The following PAPPA2 variants were observed in gnomAD, a reference collection of about 807,000 sequenced individuals.
PAPPA2 encodes pappalysin 2, also known as pappalysin-2.
In PAPPA2, 86 loss-of-function variants were observed where a neutral mutation model predicts 176.4. That is an observed-to-expected ratio of 0.49 (90% CI 0.41 to 0.58). PAPPA2 has a LOEUF of 0.58. PAPPA2 is among the 20% of genes least tolerant of loss of function. PAPPA2 has a pLI of 0.00. For missense variants in PAPPA2, 2,073 were observed against 2,256.9 expected (o/e 0.92, Z 1.65); for synonymous variants, 809 against 852.2 (o/e 0.95, Z 0.88).
At chr1:176,633,969 A>G (rs78551479) in intron 3 of PAPPA2, among the ~76,000 whole-genome samples, 19,067 of 152,228 alleles carry the variant, frequency 0.13, 1,461 homozygotes, top group South Asian at 0.23. Flanking sequence ...ATGTGGAGAA[A>G]TAGGAACACT....
Position 176,584,314 on chromosome 1 carries a change from T to A in PAPPA2, c.920-10210T>A, listed in dbSNP as rs553314200. Among the ~76,000 whole-genome samples, 173 of 152,276 alleles carry A rather than the reference T, an allele frequency of 1.1e-3. 1 individual carries two copies. The highest frequency in any genetic ancestry group is 3.4e-3 in the Middle Eastern group (1 of 294). ...ATAATATTTGCTTTATATATCTGGGTGCTCTTGTATTGGGTGCATATATAC... is the reference window on the plus strand; with the variant it reads ...ATAATATTTGCTTTATATATCTGGGAGCTCTTGTATTGGGTGCATATATAC... On this transcript the variant is annotated intron_variant, in intron 2 of 22. Coordinates refer to ENST00000367662, the MANE Select transcript of PAPPA2 (RefSeq NM_020318.3).
At chr1:176,686,796 T>C (rs1659859316) in intron 4 of PAPPA2, among the ~76,000 whole-genome samples, 1 of 152,070 alleles carries the variant, frequency 6.6e-6, no homozygotes, top group African/African-American at 2.4e-5. Flanking sequence ...TGGGAAGAAA[T>C]CTTAGTGATA....
At chr1:176,649,256 C>A (rs1657575302) in intron 3 of PAPPA2, among the ~76,000 whole-genome samples, 1 of 151,170 alleles carries the variant, frequency 6.6e-6, no homozygotes, top group African/African-American at 2.4e-5. Flanking sequence ...TCTTTGTATT[C>A]TGAGGTCTCA....
At chr1:176,479,473 A>G (rs1290894777) in intron 1 of PAPPA2, among the ~76,000 whole-genome samples, 1 of 152,188 alleles carries the variant, frequency 6.6e-6, no homozygotes, top group Non-Finnish European at 1.5e-5. Context: ...GCAGGCAAGC[A>G]TCCCTAGGAA....
chr1:176,557,996 C>T (rs1651428966), intron 2 of PAPPA2, among the ~76,000 whole-genome samples: 1 of 152,206 alleles, frequency 6.6e-6, no homozygotes, highest in Non-Finnish European at 1.5e-5. Context: ...GTTTGCACTA[C>T]ACACAGATCT....
At chr1:176,499,303 T>G (rs1274865437) in intron 1 of PAPPA2, among the ~76,000 whole-genome samples, 1 of 152,232 alleles carries the variant, frequency 6.6e-6, no homozygotes, top group African/African-American at 2.4e-5. Flanking sequence ...ATGGTTCAAT[T>G]AAACTGACTA....
intron 14 of PAPPA2, 143 bp from the exon 15 acceptor site, chr1:176,765,523 A>G: frequency 1.4e-6 from 1 of 740,510 alleles, no homozygotes; most frequent in Non-Finnish European, 2.2e-6. Context: ...GTAGTAGAGA[A>G]AAAAGGTGAT....
intron 3 of PAPPA2, among the ~76,000 whole-genome samples, chr1:176,608,886 A>G (rs562793191): frequency 1.3e-5 from 2 of 152,296 alleles, no homozygotes; most frequent in South Asian, 4.1e-4. Context: ...TTATTTTTGT[A>G]TATTATTCAC....
At chr1:176,544,210 C>T (rs994875283) in intron 1 of PAPPA2, among the ~76,000 whole-genome samples, 6 of 152,156 alleles carry the variant, frequency 3.9e-5, no homozygotes, top group South Asian at 2.1e-4. Flanking sequence ...TACCTCACTC[C>T]GGTTGTTTGC....
intron 3 of PAPPA2, among the ~76,000 whole-genome samples, chr1:176,615,723 C>G (rs546899140): frequency 3.3e-5 from 5 of 152,182 alleles, no homozygotes; most frequent in African/African-American, 1.2e-4. Flanking sequence ...GCTAAGCAAA[C>G]CTGATGTATA....
Position 176,628,847 on chromosome 1 carries a change from T to A in PAPPA2, c.1991+33252T>A, listed in dbSNP as rs1320262274. On this transcript the variant is annotated intron_variant, in intron 3 of 22. Coordinates refer to ENST00000367662, the MANE Select transcript of PAPPA2 (RefSeq NM_020318.3). ...GAGCTTGCTTATGGATAAAGTTCGATCTTTCTTTCTGGTTCTGCTCTTCAC... is the reference window on the plus strand; with the variant it reads ...GAGCTTGCTTATGGATAAAGTTCGAACTTTCTTTCTGGTTCTGCTCTTCAC... Among the ~76,000 whole-genome samples the A allele has an allele frequency of 2.6e-5, 4 of 152,360 alleles. No individual in the cohort carries two copies. The South Asian group carries it at 6.2e-4, about 24-fold the overall frequency.
intron 21 of PAPPA2, among the ~76,000 whole-genome samples, chr1:176,827,263 A>G (rs1346624484): frequency 1.3e-5 from 2 of 152,156 alleles, no homozygotes; most frequent in South Asian, 2.1e-4. Context: ...AGCTTTTATC[A>G]TTTCTTCTTC....
chr1:176,734,075 C>G (rs1662285886), intron 12 of PAPPA2, among the ~76,000 whole-genome samples: 2 of 152,096 alleles, frequency 1.3e-5, no homozygotes, highest in African/African-American at 4.8e-5. Context: ...GAGCTGAATG[C>G]CAGAGTCATG....
chr1:176,632,486 G>T (rs971667272), intron 3 of PAPPA2, among the ~76,000 whole-genome samples: 2 of 151,890 alleles, frequency 1.3e-5, no homozygotes, highest in East Asian at 3.9e-4. Flanking sequence ...TCGAGATCGC[G>T]CCACTGCACT....
At chr1:176,494,301 G>A (rs1350408942) in intron 1 of PAPPA2, among the ~76,000 whole-genome samples, 2 of 152,166 alleles carry the variant, frequency 1.3e-5, no homozygotes, top group Admixed American at 1.3e-4. Flanking sequence ...TGAAGCCACA[G>A]ACCAAATCTT....
At chr1:176,629,868 G>A (rs1227902126) in intron 3 of PAPPA2, among the ~76,000 whole-genome samples, 1 of 152,110 alleles carries the variant, frequency 6.6e-6, no homozygotes, top group Non-Finnish European at 1.5e-5. Flanking sequence ...ATTCAAACCA[G>A]ACTAGGAAGA....
At chr1:176,485,040 G>T (rs1043318231) in intron 1 of PAPPA2, among the ~76,000 whole-genome samples, 6 of 152,182 alleles carry the variant, frequency 3.9e-5, no homozygotes, top group Admixed American at 3.3e-4. Context: ...AAAAAGAGTT[G>T]TTGATTTTTC....
Position 176,595,342 on chromosome 1 carries a change from C to A in PAPPA2, c.1738C>A (p.Arg580=), listed in dbSNP as rs771214241. ...GGTCCACAATTCCACCCTGCGACAC[C>A]GGGTTGTGCTTGTGAACTGTGAGCC... ...HQVHNSTLRH[R]VVLVNCEPSK... is the part of the protein sequence containing the mutation. Residue 580 remains arginine (R), a synonymous_variant, in exon 3 of 23, where the codon CGG becomes AGG. Transcript: ENST00000367662. 6.2e-7 allele frequency: 1 copy of A among 1,614,182 alleles called. No individual in the cohort carries two copies. Among genetic ancestry groups the A allele is most frequent in the South Asian group, 1.1e-5 (1 of 91,082 alleles).
chr1:176,644,146 G>A (rs1333823970), intron 3 of PAPPA2, among the ~76,000 whole-genome samples: 1 of 151,822 alleles, frequency 6.6e-6, no homozygotes. Flanking sequence ...GTCTTCACCA[G>A]GAGGCTTGTG....
Sources: allele counts gnomAD v4.1 joint callset (sites outside exome capture counted in the v4.1 genomes callset), GRCh38; gene constraint gnomAD v4.1.1; transcripts MANE v1.5; gene names NCBI Gene and HGNC (gene_info 2026-07-23, HGNC 2026-07-21).